FBXL17: variants seen among roughly 807,000 people sequenced by gnomAD.
FBXL17 encodes the protein F-box and leucine rich repeat protein 17, also known as F-box/LRR-repeat protein 17.
FBXL17 carries 22 observed loss-of-function variants against 66.2 expected under a neutral mutation model. That is an observed-to-expected ratio of 0.33 (90% CI 0.24 to 0.47). The LOEUF is 0.47. Ranked by LOEUF, FBXL17 falls within the 20% of genes least tolerant of loss-of-function variation. FBXL17 has a pLI of 1.00. For missense variants in FBXL17, 878 were observed against 948.2 expected (o/e 0.93, Z 0.97); for synonymous variants, 474 against 400.5 (o/e 1.18, Z -2.19).
chr5:108,252,391 A>T (rs1756396419), intron 4 of FBXL17, among the ~76,000 whole-genome samples: 2 of 152,158 alleles, frequency 1.3e-5, no homozygotes, highest in African/African-American at 4.8e-5. Flanking sequence ...AGGTTAAAAA[A>T]CATCATTCGT....
rs576284069 is a variant in FBXL17, at chr5:107,909,035, T to G, written c.1823-27856A>C. ...TAACTATGATTAACTGAACCTGTGA[T>G]AGTCTCATTTGTACACTTAAATGAA... On this transcript the variant is annotated intron_variant, in intron 7 of 8. Transcript: ENST00000542267. 4.6e-5 allele frequency among the ~76,000 whole-genome samples: 7 copies of G among 152,282 alleles called. No homozygotes were observed. The South Asian group carries it at 1.2e-3, about 27-fold the overall frequency.
At chr5:108,046,709 C>A (rs1386734699) in intron 6 of FBXL17, among the ~76,000 whole-genome samples, 2 of 152,124 alleles carry the variant, frequency 1.3e-5, no homozygotes, top group Non-Finnish European at 2.9e-5. Context: ...AAACCTTACT[C>A]CTCTTTGCAT....
At chr5:108,207,892 C>T (rs1754194617) in intron 5 of FBXL17, among the ~76,000 whole-genome samples, 1 of 152,130 alleles carries the variant, frequency 6.6e-6, no homozygotes, top group South Asian at 2.1e-4. Context: ...CTTAAGGAAT[C>T]ACCACAGTCT....
At chr5:108,107,759 C>A (rs148814095) in intron 6 of FBXL17, among the ~76,000 whole-genome samples, 1,612 of 145,904 alleles carry the variant, frequency 0.011, 39 homozygotes, top group African/African-American at 0.038. Flanking sequence ...TTGCAGTGAG[C>A]TGAGATGGCA....
intron 6 of FBXL17, among the ~76,000 whole-genome samples, chr5:108,074,883 G>T (rs1039875905): frequency 2.3e-4 from 35 of 152,164 alleles, no homozygotes; most frequent in African/African-American, 8.0e-4. Flanking sequence ...TACAGTAAAT[G>T]GTTATTACTA....
At chr5:108,013,838 T>C (rs1754274995) in intron 7 of FBXL17, among the ~76,000 whole-genome samples, 1 of 152,148 alleles carries the variant, frequency 6.6e-6, no homozygotes, top group Non-Finnish European at 1.5e-5. Context: ...GCTTGAATAG[T>C]TCTCGTAATA....
chr5:107,985,763 A>C (rs920196488), intron 7 of FBXL17, among the ~76,000 whole-genome samples: 3 of 152,206 alleles, frequency 2.0e-5, no homozygotes, highest in Non-Finnish European at 4.4e-5. Context: ...ACCATGCAAG[A>C]GGCAAATGGT....
intron 6 of FBXL17, among the ~76,000 whole-genome samples, chr5:108,108,337 C>T (rs1299494694): frequency 6.6e-6 from 1 of 152,100 alleles, no homozygotes; most frequent in Non-Finnish European, 1.5e-5. Context: ...AACTCCAGTG[C>T]TAACAATAGG....
chr5:107,963,404 T>C (rs1337055173), intron 7 of FBXL17, among the ~76,000 whole-genome samples: 9 of 152,230 alleles, frequency 5.9e-5, no homozygotes, highest in Non-Finnish European at 1.3e-4. Context: ...ATAAAATAAA[T>C]GTACAGGAAG....
chr5:108,170,206 A>C (rs1752555706), intron 6 of FBXL17, among the ~76,000 whole-genome samples: 1 of 152,234 alleles, frequency 6.6e-6, no homozygotes, highest in Non-Finnish European at 1.5e-5. Flanking sequence ...AAGGAAAACA[A>C]ATGGAAATCA....
intron 7 of FBXL17, among the ~76,000 whole-genome samples, chr5:108,016,626 C>T (rs406139): frequency 0.18 from 26,653 of 151,970 alleles, 2,651 homozygotes; most frequent in South Asian, 0.44. Flanking sequence ...CCATCCCGTT[C>T]AGTACACCAT....
At chr5:107,905,484 T>A (rs1468088823) in intron 7 of FBXL17, among the ~76,000 whole-genome samples, 1 of 152,154 alleles carries the variant, frequency 6.6e-6, no homozygotes, top group Admixed American at 6.6e-5. Context: ...ATGGGATACC[T>A]CCTCAGACAT....
chr5:108,120,251 T>C (rs1264210173), intron 6 of FBXL17, among the ~76,000 whole-genome samples: 1 of 152,200 alleles, frequency 6.6e-6, no homozygotes, highest in Non-Finnish European at 1.5e-5. Context: ...GCACCACTTA[T>C]TATCCAAATT....
Position 108,041,090 on chromosome 5 carries a change from A to C in FBXL17, c.1746-20089T>G, listed in dbSNP as rs951505431. 3.3e-5 allele frequency among the ~76,000 whole-genome samples: 5 copies of C among 152,194 alleles called. No individual in the cohort carries two copies. The East Asian group carries it at 7.7e-4, about 23-fold the overall frequency. On this transcript the variant is annotated intron_variant, in intron 6 of 8. Coordinates refer to ENST00000542267, the MANE Select transcript of FBXL17 (RefSeq NM_001163315.3). Reference sequence around the variant, plus strand: ...CTTCATGGGATTGTTGGGAATATTAAATGATGTAATATATGTACAGTGCTT... The same window carrying C: ...CTTCATGGGATTGTTGGGAATATTACATGATGTAATATATGTACAGTGCTT...
chr5:107,881,718 A>G (rs531749554), intron 7 of FBXL17, among the ~76,000 whole-genome samples: 90 of 152,338 alleles, frequency 5.9e-4, no homozygotes, highest in African/African-American at 2.1e-3. Context: ...AGGAATTAAG[A>G]GTACATCATA....
In FBXL17 at chr5:108,381,264, T is replaced by C; in HGVS notation, c.428A>G (p.Glu143Gly). ...SASSPASCCK[E>G]LGLAAAAAWE... Reference sequence around the variant, plus strand: ...GGCGGCGGCCGCAGCCAGCCCCAACTCTTTGCAGCAGGAGGCGGGCGACGA... The same window carrying C: ...GGCGGCGGCCGCAGCCAGCCCCAACCCTTTGCAGCAGGAGGCGGGCGACGA... The change falls in exon 1 of 9, where the codon GAG becomes GGG. Residue 143 changes from glutamate (E) to glycine (G), a missense_variant. By Grantham distance (98) the Glu-to-Gly change is moderately conservative. This residue lies in a region of FBXL17 where 605 missense variants were observed against 509.5 expected (regional missense o/e 1.19). Transcript: ENST00000542267. The C allele has an allele frequency of 7.0e-7, 1 of 1,429,510 alleles. No homozygotes were observed. The highest frequency in any genetic ancestry group is 2.7e-5 in the Admixed American group (1 of 36,590). The allele number at this position is 1,429,510 out of a possible 1,614,324, so 88.6% of individuals were successfully genotyped here. A position where few individuals can be genotyped will look rare whatever the true frequency, so the allele number is the denominator to read the frequency against.
chr5:108,253,920 G>A lies in FBXL17; in HGVS notation c.1507-29692C>T, dbSNP rs1756466387. Among the ~76,000 whole-genome samples the A allele has an allele frequency of 2.0e-5, 3 of 152,114 alleles. 1 individual carries two copies. In the South Asian group the frequency reaches 6.2e-4, roughly 31 times the overall value. Reference sequence around the variant, plus strand: ...GGCTGAGAGGATCACTTGAGCCTGGGAGGCTGAGGTTGCAGTGAGTGGAGT... The same window carrying A: ...GGCTGAGAGGATCACTTGAGCCTGGAAGGCTGAGGTTGCAGTGAGTGGAGT... On this transcript the variant is annotated intron_variant, in intron 4 of 8. Transcript: ENST00000542267.
At chr5:108,256,945 G>C (rs1756601315) in intron 4 of FBXL17, among the ~76,000 whole-genome samples, 1 of 152,008 alleles carries the variant, frequency 6.6e-6, no homozygotes, top group Non-Finnish European at 1.5e-5. Flanking sequence ...TTTTAAAGTT[G>C]TGTTGTGCAT....
At position 108,236,423 on chromosome 5, in the gene FBXL17, G is replaced by C. The variant is rs140779224; in HGVS notation, c.1507-12195C>G. Among the ~76,000 whole-genome samples the C allele has an allele frequency of 8.7e-3, 1,311 of 151,200 alleles. 8 individuals carry two copies. Among genetic ancestry groups the C allele is most frequent in the Non-Finnish European group, 0.015 (996 of 67,836 alleles). Reference sequence around the variant, plus strand: ...AGCTACTCAGGAGGCTGAGGCAGGAGAATCACTTGAGCCTGGGAAGTGGAG... The same window carrying C: ...AGCTACTCAGGAGGCTGAGGCAGGACAATCACTTGAGCCTGGGAAGTGGAG... On this transcript the variant is annotated intron_variant, in intron 4 of 8. Transcript: ENST00000542267.
Sources: allele counts gnomAD v4.1 joint callset (sites outside exome capture counted in the v4.1 genomes callset), GRCh38; gene constraint gnomAD v4.1.1; regional missense constraint gnomAD v4.1.1; transcripts MANE v1.5; gene names NCBI Gene and HGNC (gene_info 2026-07-23, HGNC 2026-07-21).